Variants in RP1 observed in about 807,000 individuals in gnomAD.
The protein encoded by RP1 is oxygen-regulated protein 1.
A neutral mutation model predicts 14.8 loss-of-function variants in RP1; 16 were observed. The observed-to-expected ratio is 1.08, with a 90% CI of 0.73 to 1.65. The LOEUF (loss-of-function observed/expected upper bound fraction) is 1.65, where lower values mean the gene tolerates loss of function less well. Ranked by LOEUF, RP1 falls within the 40% of genes most tolerant of loss-of-function variation. The pLI is 0.00. For synonymous variants in RP1, 876 were observed against 883.6 expected (o/e 0.99, Z 0.15); for missense variants, 2,631 against 2,535.0 (o/e 1.04, Z -0.81).
At chr8:54,803,482 C>A (rs1283788907) in intron 24 of RP1, among the ~76,000 whole-genome samples, 1 of 152,076 alleles carries the variant, frequency 6.6e-6, no homozygotes, top group South Asian at 2.1e-4. Flanking sequence ...CCTAAGAAAA[C>A]CGAGGGTCCA....
chr8:54,584,276 A>C (rs1029022800), intron 1 of RP1, among the ~76,000 whole-genome samples: 7 of 152,316 alleles, frequency 4.6e-5, no homozygotes, highest in Admixed American at 4.6e-4. Context: ...GTCATTCAGG[A>C]GCAGATTGTC....
chr8:54,585,433 T>A (rs1289012367), intron 1 of RP1, among the ~76,000 whole-genome samples: 2 of 152,214 alleles, frequency 1.3e-5, no homozygotes, highest in African/African-American at 2.4e-5. Context: ...CTTAACATTT[T>A]TTCCTTCATT....
At chr8:54,799,140 T>G (rs1393773485) in intron 24 of RP1, among the ~76,000 whole-genome samples, 1 of 152,020 alleles carries the variant, frequency 6.6e-6, no homozygotes, top group Non-Finnish European at 1.5e-5. Context: ...TCTTGAAATA[T>G]CTTGGTGATG....
chr8:54,852,464 G>T, intron 25 of RP1: 1 of 722,888 alleles, frequency 1.4e-6, no homozygotes, highest in Non-Finnish European at 1.9e-6. Flanking sequence ...TTGGGGCCAA[G>T]TATCATCAAC....
chr8:54,693,324 C>T (rs1807765690), intron 12 of RP1, among the ~76,000 whole-genome samples: 1 of 152,006 alleles, frequency 6.6e-6, no homozygotes. Flanking sequence ...TCCATATGAA[C>T]TTGAAAGTAG....
At chr8:54,812,584 A>G (rs1361648927) in intron 24 of RP1, among the ~76,000 whole-genome samples, 2 of 152,226 alleles carry the variant, frequency 1.3e-5, no homozygotes, top group African/African-American at 4.8e-5. Flanking sequence ...CCGTAAAGTT[A>G]TTTAATTTTA....
rs1585746333 is a variant in RP1, at chr8:54,850,824, T to C, written c.3836-1750T>C. Among the ~76,000 whole-genome samples, 3 of 152,210 alleles carry C rather than the reference T, an allele frequency of 2.0e-5. No individual in the cohort carries two copies. The East Asian group carries it at 5.8e-4, about 29-fold the overall frequency. On this transcript the variant is annotated intron_variant, in intron 25 of 28. Coordinates refer to the RP1 transcript ENST00000637698. The stretch of plus-strand genomic sequence containing the variant: ...AGCAAATGCTTAGTGAATCATATTA[T>C]GTAGTATAATGAACACGAAGTCAAT...
intron 24 of RP1, among the ~76,000 whole-genome samples, chr8:54,826,862 G>A (rs938307328): frequency 2.6e-5 from 4 of 152,218 alleles, no homozygotes; most frequent in African/African-American, 9.6e-5. Flanking sequence ...ACATCATAGA[G>A]TGCACTTGCA....
Position 54,755,720 on chromosome 8 carries a change from C to A in RP1, c.3043C>A (p.Leu1015Ile), listed in dbSNP as rs760548114. Residue 1015 changes from leucine to isoleucine, a missense_variant, in exon 21 of 23, where the codon CTC becomes ATC. Transcript: ENST00000636932. Reference sequence around the variant, plus strand: ...CTTTGGGGAGAGGGGAGACTCTGGCCTCAGACAGCTGTACAAATCTAACAT... The same window carrying A: ...CTTTGGGGAGAGGGGAGACTCTGGCATCAGACAGCTGTACAAATCTAACAT... 9.8e-6 allele frequency: 15 copies of A among 1,535,300 alleles called. No homozygotes were observed. In the South Asian group the frequency reaches 1.3e-4, roughly 13 times the overall value.
intron 24 of RP1, among the ~76,000 whole-genome samples, chr8:54,796,334 T>C (rs1325166504): frequency 6.6e-6 from 1 of 152,204 alleles, no homozygotes; most frequent in African/African-American, 2.4e-5. Context: ...AAAGTATTTG[T>C]ATTGTGTTTG....
At chr8:54,707,166 TCTCA>T (rs1808171397) in intron 15 of RP1, among the ~76,000 whole-genome samples, 1 of 152,154 alleles carries the variant, frequency 6.6e-6, no homozygotes, top group South Asian at 2.1e-4. Flanking sequence ...AGAGACAGAG[TCTCA>T]CTCTGTCACC....
chr8:54,699,065 T>C (rs187480408), intron 12 of RP1, among the ~76,000 whole-genome samples: 1 of 151,740 alleles, frequency 6.6e-6, no homozygotes, highest in East Asian at 1.9e-4. Flanking sequence ...AACTTTGTTA[T>C]CATGAAATCA....
intron 1 of RP1, among the ~76,000 whole-genome samples, chr8:54,586,848 G>A (rs777875743): frequency 3.3e-4 from 50 of 152,324 alleles, no homozygotes; most frequent in African/African-American, 1.1e-3. Flanking sequence ...TTGGAAAAGC[G>A]CAGTATTAAG....
chr8:54,752,168 G>T (rs914048273), intron 19 of RP1, among the ~76,000 whole-genome samples: 1 of 152,170 alleles, frequency 6.6e-6, no homozygotes, highest in African/African-American at 2.4e-5. Flanking sequence ...ATAAACAAGA[G>T]TTAAATTTCT....
intron 12 of RP1, among the ~76,000 whole-genome samples, chr8:54,697,426 A>G (rs1807895641): frequency 6.6e-6 from 1 of 152,078 alleles, no homozygotes; most frequent in South Asian, 2.1e-4. Context: ...ATGGTGGCGC[A>G]TGCCTGTGAT....
chr8:54,680,634 C>A (rs920512243), intron 12 of RP1, among the ~76,000 whole-genome samples: 2 of 152,100 alleles, frequency 1.3e-5, no homozygotes, highest in East Asian at 3.9e-4. Context: ...ATTTGAGATC[C>A]TAGGGAACAA....
At chr8:54,744,636 A>G (rs1016940532) in intron 19 of RP1, among the ~76,000 whole-genome samples, 16 of 152,148 alleles carry the variant, frequency 1.1e-4, no homozygotes, top group African/African-American at 3.9e-4. Context: ...ATATAGAAAA[A>G]ATTCTGTATA....
At chr8:54,840,472 C>T (rs2129404287) in intron 25 of RP1, among the ~76,000 whole-genome samples, 1 of 151,796 alleles carries the variant, frequency 6.6e-6, no homozygotes, top group South Asian at 2.1e-4. Flanking sequence ...AGGCTGGTCT[C>T]GAACTCCTGA....
intron 24 of RP1, among the ~76,000 whole-genome samples, chr8:54,817,993 AAAACT>A (rs60652244): frequency 0.24 from 37,205 of 152,094 alleles, 5,240 homozygotes; most frequent in Middle Eastern, 0.46. Context: ...TTCCTGTCAT[AAAACT>A]TGACCAAATG....
Sources: allele counts gnomAD v4.1 joint callset (sites outside exome capture counted in the v4.1 genomes callset), GRCh38; gene constraint gnomAD v4.1.1; transcripts MANE v1.5; gene names NCBI Gene and HGNC (gene_info 2026-07-23, HGNC 2026-07-21).